Variants in ENPP2 observed in about 807,000 individuals in gnomAD.
ENPP2 encodes the protein autotaxin.
ENPP2 carries 51 observed loss-of-function variants against 120.2 expected under a neutral mutation model. The observed-to-expected ratio is 0.42, with a 90% CI of 0.34 to 0.54. The LOEUF (loss-of-function observed/expected upper bound fraction) is 0.54, where lower values mean the gene tolerates loss of function less well. Among genes scored for constraint, ENPP2 ranks in the 20% least tolerant of loss-of-function variants. The pLI, the probability that ENPP2 is intolerant of heterozygous loss-of-function variation, is 0.04. For synonymous variants in ENPP2, 365 were observed against 366.4 expected (o/e 1.00, Z 0.04); for missense variants, 920 against 1,066.5 (o/e 0.86, Z 1.91).
intron 1 of ENPP2, among the ~76,000 whole-genome samples, chr8:119,672,268 G>T (rs1014608649): frequency 6.6e-6 from 1 of 152,216 alleles, no homozygotes; most frequent in Non-Finnish European, 1.5e-5. Flanking sequence ...TACCTGATGA[G>T]CAGAAGTGCA....
intron 5 of ENPP2, 152 bp from the exon 6 acceptor site, chr8:119,617,715 G>A (rs544284957): frequency 1.0e-4 from 61 of 604,836 alleles, no homozygotes; most frequent in South Asian, 7.3e-4. Flanking sequence ...TTGGGAGTCC[G>A]AGGCGGGCTG....
intron 1 of ENPP2, among the ~76,000 whole-genome samples, chr8:119,651,463 C>A (rs1817623097): frequency 6.6e-6 from 1 of 152,128 alleles, no homozygotes; most frequent in Non-Finnish European, 1.5e-5. Context: ...ATATATCAAA[C>A]AACTTGCCCA....
intron 18 of ENPP2, among the ~76,000 whole-genome samples, chr8:119,581,626 A>G (rs1229240081): frequency 1.3e-5 from 2 of 151,774 alleles, no homozygotes; most frequent in Admixed American, 6.6e-5. Flanking sequence ...CACCCTTTAA[A>G]CCTTAGAAGG....
chr8:119,610,085 T>A (rs1490754842), intron 8 of ENPP2, among the ~76,000 whole-genome samples: 1 of 152,146 alleles, frequency 6.6e-6, no homozygotes, highest in Non-Finnish European at 1.5e-5. Flanking sequence ...AAAATTATTA[T>A]GATGGCAAAA....
chr8:119,664,948 C>G (rs1183906440), intron 1 of ENPP2, among the ~76,000 whole-genome samples: 1 of 152,152 alleles, frequency 6.6e-6, no homozygotes, highest in African/African-American at 2.4e-5. Flanking sequence ...ATCTCACATT[C>G]TGGAGATGAG....
chr8:119,569,430 A>C, intron 20 of ENPP2, 60 bp from the exon 21 acceptor site: 2 of 1,554,750 alleles, frequency 1.3e-6, no homozygotes, highest in South Asian at 2.3e-5. Flanking sequence ...GGCTGAAATC[A>C]AAACCCCTCT....
chr8:119,590,652 A>G (rs767231675), intron 12 of ENPP2, 22 bp from the exon 13 acceptor site: 8 of 1,478,978 alleles, frequency 5.4e-6, no homozygotes, highest in Non-Finnish European at 2.7e-6. Context: ...GAGAAAAAGA[A>G]TATTTTCAGG....
In ENPP2 at chr8:119,587,061, T is replaced by C. The variant is rs1813163636; in HGVS notation, c.1222A>G (p.Ile408Val). ...ACACTTACCGTGAGATTGGCAATAATGGCTTTGGGGTCATCTGTTCAAAGA... is the reference window on the plus strand; with the variant it reads ...ACACTTACCGTGAGATTGGCAATAACGGCTTTGGGGTCATCTGTTCAAAGA... The part of the protein sequence containing the change: ...SNNAKYDPKA[I>V]IANLTCKKPD... Residue 408 changes from isoleucine to valine, a missense_variant, in exon 14 of 25, where the codon ATT (isoleucine) becomes GTT (valine). Physicochemically the swap from Ile to Val is conservative, Grantham distance 29 (BLOSUM62 3). Coordinates refer to ENST00000075322, the MANE Select transcript of ENPP2 (RefSeq NM_001040092.3). 6.2e-7 allele frequency: 1 copy of C among 1,609,206 alleles called. No homozygotes were observed. The highest frequency in any genetic ancestry group is 8.5e-7 in the Non-Finnish European group (1 of 1,178,182).
intron 7 of ENPP2, 144 bp downstream of exon 7, chr8:119,617,020 G>A (rs2130706532): frequency 1.6e-6 from 1 of 628,808 alleles, no homozygotes; most frequent in South Asian, 2.0e-5. Context: ...CATTTGCTGT[G>A]AACAAATGAC....
intron 1 of ENPP2, among the ~76,000 whole-genome samples, chr8:119,667,433 C>G (rs1818106194): frequency 6.6e-6 from 1 of 152,186 alleles, no homozygotes. Flanking sequence ...CTCTTTCATT[C>G]ATTCATCCTG....
intron 1 of ENPP2, among the ~76,000 whole-genome samples, chr8:119,663,094 G>A (rs1817968781): frequency 6.8e-6 from 1 of 146,472 alleles, no homozygotes; most frequent in African/African-American, 2.5e-5. Context: ...TCCAGCCTGG[G>A]CAACACAGTG....
At chr8:119,605,755 C>T (rs1008376267) in intron 9 of ENPP2, among the ~76,000 whole-genome samples, 2 of 151,928 alleles carry the variant, frequency 1.3e-5, no homozygotes, top group African/African-American at 4.8e-5. Flanking sequence ...GCGTGAGCCA[C>T]CATACCCAGC....
chr8:119,565,538 A>G (rs539334928), intron 22 of ENPP2, among the ~76,000 whole-genome samples: 36 of 152,332 alleles, frequency 2.4e-4, no homozygotes, highest in African/African-American at 8.4e-4. Context: ...CTCCATCATA[A>G]TCAATGGCTC....
intron 2 of ENPP2, among the ~76,000 whole-genome samples, chr8:119,631,192 C>A (rs866272901): frequency 1.4e-5 from 2 of 138,842 alleles, no homozygotes; most frequent in African/African-American, 5.4e-5. Flanking sequence ...CTGCGCCCAG[C>A]CATGCTGCTA....
rs375297075 is a variant in ENPP2, at chr8:119,593,756, G to A, written c.1077C>T (p.Asp359=). The change falls in exon 12 of 25, where the codon GAC becomes GAT. Residue 359 remains aspartate, a synonymous_variant. Coordinates refer to ENST00000075322, the MANE Select transcript of ENPP2 (RefSeq NM_001040092.3). ...HRCVNVIFVG[D]HGMEDVTCDR... is the part of the protein sequence containing the mutation. ...AAAGAAAAAACAAAGCTTTACCATG[G>A]TCTCCGACAAAGATGACGTTGACAC... is the stretch of plus-strand genomic sequence containing the variant. The A allele has an allele frequency of 6.3e-6, 10 of 1,585,212 alleles. No homozygotes were observed. Among genetic ancestry groups the A allele is most frequent in the Non-Finnish European group, 8.7e-6 (10 of 1,153,700 alleles).
chr8:119,582,013 G>A lies in ENPP2; in HGVS notation c.1728+405C>T, dbSNP rs911635354. Among the ~76,000 whole-genome samples the A allele has an allele frequency of 3.9e-5, 6 of 152,046 alleles. No homozygotes were observed. The East Asian group carries it at 5.8e-4, about 15-fold the overall frequency. On this transcript the variant is annotated intron_variant, in intron 18 of 24. Transcript: ENST00000075322. ...CTCCCAAAGTGCTGGGATTATAGGCGTGAGCCACCATACCTGGCCTAAACT... is the reference window on the plus strand; with the variant it reads ...CTCCCAAAGTGCTGGGATTATAGGCATGAGCCACCATACCTGGCCTAAACT...
At chr8:119,592,473 CAAAAAAAAAAAAAA>C (rs61330053) in intron 12 of ENPP2, among the ~76,000 whole-genome samples, 7 of 54,942 alleles carry the variant, frequency 1.3e-4, no homozygotes, top group South Asian at 7.4e-4. Flanking sequence ...AACTCCACCT[CAAAAAAAAAAAAAA>C]AAAAAAAAAA....
At chr8:119,653,189 C>A (rs1817674094) in intron 1 of ENPP2, among the ~76,000 whole-genome samples, 1 of 152,112 alleles carries the variant, frequency 6.6e-6, no homozygotes, top group Admixed American at 6.6e-5. Context: ...AGAGGCATGA[C>A]CAGGATGAGG....
intron 8 of ENPP2, among the ~76,000 whole-genome samples, chr8:119,612,091 G>C (rs1287589528): frequency 6.6e-6 from 1 of 152,044 alleles, no homozygotes; most frequent in African/African-American, 2.4e-5. Flanking sequence ...AAAGCCCAAA[G>C]GACAGTCACT....
Sources: allele counts gnomAD v4.1 joint callset (sites outside exome capture counted in the v4.1 genomes callset), GRCh38; gene constraint gnomAD v4.1.1; transcripts MANE v1.5; gene names NCBI Gene and HGNC (gene_info 2026-07-23, HGNC 2026-07-21).